APBB1IP: variants seen among roughly 807,000 people sequenced by gnomAD.
APBB1IP encodes amyloid beta precursor protein binding family B member 1 interacting protein, also known as amyloid beta A4 precursor protein-binding family B member 1-interacting protein.
Under a neutral mutation model 64.9 loss-of-function variants are expected in APBB1IP, and 27 were observed. That is an observed-to-expected ratio of 0.42 (90% CI 0.31 to 0.57). APBB1IP has a LOEUF of 0.57. Among genes scored for constraint, APBB1IP ranks in the 20% least tolerant of loss-of-function variants. The pLI, the probability that APBB1IP is intolerant of heterozygous loss-of-function variation, is 0.20. For missense variants in APBB1IP, 812 were observed against 845.5 expected (o/e 0.96, Z 0.49); for synonymous variants, 392 against 331.0 (o/e 1.18, Z -2.00).
chr10:26,443,086 G>A lies in APBB1IP; in HGVS notation c.-1+4233G>A, dbSNP rs542005952. On this transcript the variant is annotated intron_variant, in intron 2 of 14. Transcript: ENST00000376236. Reference sequence around the variant, plus strand: ...GTGCTATCTTAGACATTGATAAAGTGACCAAGAATCATCAGTAAAGAACTA... The same window carrying A: ...GTGCTATCTTAGACATTGATAAAGTAACCAAGAATCATCAGTAAAGAACTA... 3.3e-5 allele frequency among the ~76,000 whole-genome samples: 5 copies of A among 152,224 alleles called. 1 individual carries two copies. The South Asian group carries it at 1.0e-3, about 32-fold the overall frequency.
At chr10:26,546,492 G>A (rs1317700421) in intron 11 of APBB1IP, among the ~76,000 whole-genome samples, 1 of 152,140 alleles carries the variant, frequency 6.6e-6, no homozygotes, top group African/African-American at 2.4e-5. Flanking sequence ...TTTGATATAT[G>A]TAAACATTGT....
chr10:26,541,772 T>G (rs1390107901), intron 11 of APBB1IP, 80 bp downstream of exon 11: 2 of 1,014,040 alleles, frequency 2.0e-6, no homozygotes, highest in African/African-American at 3.3e-5. Flanking sequence ...TGTTAAATTA[T>G]AGTTAGCCAT....
At chr10:26,491,244 C>T (rs969301921) in intron 2 of APBB1IP, among the ~76,000 whole-genome samples, 6 of 151,794 alleles carry the variant, frequency 4.0e-5, no homozygotes, top group African/African-American at 1.5e-4. Flanking sequence ...GCACCACTCA[C>T]TCCAGCCTGG....
intron 7 of APBB1IP, among the ~76,000 whole-genome samples, chr10:26,512,522 G>A (rs1442860903): frequency 6.6e-6 from 1 of 151,982 alleles, no homozygotes; most frequent in Non-Finnish European, 1.5e-5. Context: ...TTCAGCCTCA[G>A]TGCAAAGAAC....
chr10:26,566,891 A>G, intron 14 of APBB1IP, 70 bp from the exon 15 acceptor site: 1 of 1,450,404 alleles, frequency 6.9e-7, no homozygotes, highest in South Asian at 1.3e-5. Flanking sequence ...CGTCTCCATT[A>G]ATTAATAACA....
intron 6 of APBB1IP, among the ~76,000 whole-genome samples, chr10:26,510,732 T>TCACACACACACACACA (rs1491206953): frequency 5.5e-5 from 6 of 109,272 alleles, no homozygotes; most frequent in African/African-American, 2.0e-4. Flanking sequence ...CAAGACCCTG[T>TCACACACACACACACA]CTCACACACA....
At chr10:26,537,109 C>A (rs968614880) in intron 10 of APBB1IP, among the ~76,000 whole-genome samples, 1 of 152,058 alleles carries the variant, frequency 6.6e-6, no homozygotes, top group African/African-American at 2.4e-5. Flanking sequence ...AATTTTAACT[C>A]TTATTCTGAC....
At chr10:26,483,304 C>G (rs990913410) in intron 2 of APBB1IP, among the ~76,000 whole-genome samples, 1 of 152,076 alleles carries the variant, frequency 6.6e-6, no homozygotes, top group Non-Finnish European at 1.5e-5. Flanking sequence ...GACTGACTTA[C>G]TTTGTGTAAA....
At position 26,541,570 on chromosome 10, in the gene APBB1IP, CCTGT is replaced by C. The variant is rs1457519466; in HGVS notation, c.1045-9_1045-6del. 6.3e-7 allele frequency: 1 copy of C among 1,583,264 alleles called. No homozygotes were observed. The highest frequency in any genetic ancestry group is 8.6e-7 in the Non-Finnish European group (1 of 1,156,802). ...TCTCAGTTGAAGTTTTATTTTTTTC[CCTGT>C]CTTTCAGACATCTCGAGATCTGGCG... is the stretch of plus-strand genomic sequence containing the variant. On this transcript the variant is annotated splice_polypyrimidine_tract_variant and splice_region_variant and intron_variant, in intron 10 of 14. Coordinates refer to ENST00000376236, the MANE Select transcript of APBB1IP (RefSeq NM_019043.4).
chr10:26,538,097 T>C (rs1836650794), intron 10 of APBB1IP, among the ~76,000 whole-genome samples: 1 of 152,184 alleles, frequency 6.6e-6, no homozygotes, highest in Admixed American at 6.5e-5. Flanking sequence ...TTTCACAGTG[T>C]TGTCTATCCA....
chr10:26,517,145 G>T (rs927100747), intron 8 of APBB1IP, among the ~76,000 whole-genome samples: 1 of 152,184 alleles, frequency 6.6e-6, no homozygotes, highest in Admixed American at 6.5e-5. Context: ...CACCAATCTA[G>T]CATTTTTGGG....
intron 8 of APBB1IP, among the ~76,000 whole-genome samples, chr10:26,516,671 C>T (rs1268521786): frequency 9.9e-5 from 15 of 151,628 alleles, no homozygotes; most frequent in African/African-American, 3.2e-4. Flanking sequence ...TCCTCTCGCA[C>T]TCAGTAAGTT....
At chr10:26,473,418 C>G (rs1331735879) in intron 2 of APBB1IP, among the ~76,000 whole-genome samples, 1 of 152,210 alleles carries the variant, frequency 6.6e-6, no homozygotes, top group African/African-American at 2.4e-5. Flanking sequence ...CTGTGAACAG[C>G]CGTCTTCTCT....
chr10:26,440,994 G>A (rs11597572), intron 2 of APBB1IP, among the ~76,000 whole-genome samples: 23,408 of 151,878 alleles, frequency 0.15, 2,420 homozygotes, highest in Middle Eastern at 0.23. Context: ...AATTGTCTGC[G>A]TTCCATAGCC....
At chr10:26,518,292 G>C (rs1186116340) in intron 8 of APBB1IP, among the ~76,000 whole-genome samples, 1 of 149,770 alleles carries the variant, frequency 6.7e-6, no homozygotes, top group African/African-American at 2.5e-5. Context: ...CTGTCACCCA[G>C]GCTGGAATGC....
At chr10:26,468,749 C>G (rs1835676642) in intron 2 of APBB1IP, among the ~76,000 whole-genome samples, 1 of 152,210 alleles carries the variant, frequency 6.6e-6, no homozygotes, top group Non-Finnish European at 1.5e-5. Flanking sequence ...GCAAGCCCAG[C>G]TCATCGGCTC....
intron 14 of APBB1IP, among the ~76,000 whole-genome samples, chr10:26,564,147 A>T (rs2132486796): frequency 6.6e-6 from 1 of 152,028 alleles, no homozygotes; most frequent in Non-Finnish European, 1.5e-5. Flanking sequence ...TTCCAAATTT[A>T]ATCTTCAATG....
intron 2 of APBB1IP, among the ~76,000 whole-genome samples, chr10:26,478,419 C>T (rs697159): frequency 0.06 from 9,128 of 152,084 alleles, 894 homozygotes; most frequent in African/African-American, 0.21. Flanking sequence ...GGCATGGTGT[C>T]TCATGCCTGT....
At chr10:26,444,624 G>C (rs1284204437) in intron 2 of APBB1IP, among the ~76,000 whole-genome samples, 1 of 152,158 alleles carries the variant, frequency 6.6e-6, no homozygotes, top group Admixed American at 6.5e-5. Context: ...GAAGGGAGAT[G>C]ATTAGAAGTT....
Sources: allele counts gnomAD v4.1 joint callset (sites outside exome capture counted in the v4.1 genomes callset), GRCh38; gene constraint gnomAD v4.1.1; transcripts MANE v1.5; gene names NCBI Gene and HGNC (gene_info 2026-07-23, HGNC 2026-07-21).